MTMR7: variants seen among roughly 807,000 people sequenced by gnomAD.
MTMR7 encodes phosphatidylinositol-3-phosphate phosphatase MTMR7.
MTMR7 carries 76 observed loss-of-function variants against 81.2 expected under a neutral mutation model. The observed-to-expected ratio is 0.94, with a 90% CI of 0.78 to 1.13. The LOEUF (loss-of-function observed/expected upper bound fraction) is 1.13, where lower values mean the gene tolerates loss of function less well. Ranked by LOEUF, MTMR7 falls within the 50% of genes most tolerant of loss-of-function variation. The pLI is 0.00. For missense variants in MTMR7, 1,044 were observed against 820.0 expected (o/e 1.27, Z -3.34); for synonymous variants, 372 against 289.8 (o/e 1.28, Z -2.88).
intron 1 of MTMR7, among the ~76,000 whole-genome samples, chr8:17,393,592 G>T (rs781380152): frequency 2.0e-5 from 3 of 152,122 alleles, no homozygotes; most frequent in Non-Finnish European, 4.4e-5. Context: ...GCAAACAAAT[G>T]CAGGAACAGA....
At chr8:17,305,145 T>C (rs1267303768) in intron 11 of MTMR7, among the ~76,000 whole-genome samples, 2 of 151,908 alleles carry the variant, frequency 1.3e-5, no homozygotes, top group Non-Finnish European at 2.9e-5. Context: ...ATTAATTTTC[T>C]TTATGAGTCC....
intron 4 of MTMR7, among the ~76,000 whole-genome samples, chr8:17,352,641 C>T (rs1819761096): frequency 6.6e-6 from 1 of 152,044 alleles, no homozygotes; most frequent in Admixed American, 6.6e-5. Context: ...CATCAAAGGA[C>T]ACAATCAAAA....
chr8:17,367,407 A>C (rs17631466), intron 3 of MTMR7, among the ~76,000 whole-genome samples: 2,007 of 152,262 alleles, frequency 0.013, 42 homozygotes, highest in East Asian at 0.075. Context: ...GCCTCTGAGA[A>C]ACGGGTCTTT....
rs887331102 is a variant in MTMR7, at chr8:17,342,026, G to C, written c.598-529C>G. 3.3e-5 allele frequency among the ~76,000 whole-genome samples: 5 copies of C among 151,920 alleles called. No individual in the cohort carries two copies. In the South Asian group the frequency reaches 8.3e-4, roughly 25 times the overall value. On this transcript the variant is annotated intron_variant, in intron 5 of 13. Transcript: ENST00000180173. ...GTGACAAGAGCCCAGGTTGCTGCTAGGTTTGAAACCGAAGGACAGCAGGCA... is the reference window on the plus strand; with the variant it reads ...GTGACAAGAGCCCAGGTTGCTGCTACGTTTGAAACCGAAGGACAGCAGGCA...
chr8:17,355,409 T>A (rs1819861609), intron 4 of MTMR7, among the ~76,000 whole-genome samples: 1 of 152,118 alleles, frequency 6.6e-6, no homozygotes, highest in Admixed American at 6.6e-5. Context: ...CTAGCCCAAA[T>A]AATCCATAAA....
At chr8:17,381,777 G>A (rs961393736) in intron 1 of MTMR7, among the ~76,000 whole-genome samples, 1 of 152,188 alleles carries the variant, frequency 6.6e-6, no homozygotes, top group African/African-American at 2.4e-5. Context: ...TCTAATCTAA[G>A]AAAAGCAGCT....
At chr8:17,359,727 GA>G (rs1820004419) in intron 4 of MTMR7, among the ~76,000 whole-genome samples, 1 of 151,752 alleles carries the variant, frequency 6.6e-6, no homozygotes, top group African/African-American at 2.4e-5. Flanking sequence ...TACAACTCAA[GA>G]AATCAAGATA....
intron 7 of MTMR7, among the ~76,000 whole-genome samples, chr8:17,328,286 A>G (rs2106018): frequency 0.61 from 93,140 of 151,916 alleles, 30,151 homozygotes; most frequent in African/African-American, 0.82. Context: ...GTAACTCCAT[A>G]CACCTTTCCA....
intron 4 of MTMR7, among the ~76,000 whole-genome samples, chr8:17,354,555 C>A (rs1819828255): frequency 6.6e-6 from 1 of 152,104 alleles, no homozygotes; most frequent in Admixed American, 6.5e-5. Flanking sequence ...CTGCCCAAGG[C>A]CAAAGAAAAT....
In MTMR7 at chr8:17,296,966, C is replaced by T. The variant is rs1443337245; in HGVS notation, c.*2896G>A. ...ACATAAAGGTTATGTATGTCACCCA[C>T]GATGAAAAGAATCTGCATTTGAATA... On this transcript the variant is annotated 3_prime_UTR_variant, in exon 14 of 14. Transcript: ENST00000180173. The T allele has an allele frequency of 3.3e-5, 5 of 152,204 alleles. No individual in the cohort carries two copies. In the South Asian group the frequency reaches 8.3e-4, roughly 25 times the overall value. The allele number at this position is 152,204 out of a possible 1,614,324, so 9.4% of individuals were successfully genotyped here. A position where few individuals can be genotyped will look rare whatever the true frequency, so the allele number is the denominator to read the frequency against.
At chr8:17,368,052 G>T (rs1317518621) in intron 3 of MTMR7, among the ~76,000 whole-genome samples, 1 of 152,084 alleles carries the variant, frequency 6.6e-6, no homozygotes, top group Non-Finnish European at 1.5e-5. Flanking sequence ...CCAGGGACCA[G>T]CTTTGTGGAA....
chr8:17,364,845 G>T (rs7832149), intron 3 of MTMR7, among the ~76,000 whole-genome samples: 51,003 of 152,002 alleles, frequency 0.34, 10,666 homozygotes, highest in East Asian at 0.7. Flanking sequence ...ATTCCACAAC[G>T]TGGCTACTGT....
At chr8:17,389,434 T>C (rs1821039839) in intron 1 of MTMR7, among the ~76,000 whole-genome samples, 2 of 152,182 alleles carry the variant, frequency 1.3e-5, no homozygotes. Context: ...AGACACACGG[T>C]CCTTGGCTTA....
intron 1 of MTMR7, among the ~76,000 whole-genome samples, chr8:17,375,038 G>A (rs773386003): frequency 4.7e-5 from 7 of 150,454 alleles, no homozygotes; most frequent in African/African-American, 1.2e-4. Flanking sequence ...GCAGTGAGCC[G>A]AGATCGCACC....
chr8:17,318,789 G>A (rs1487687208), intron 7 of MTMR7, among the ~76,000 whole-genome samples: 1 of 152,088 alleles, frequency 6.6e-6, no homozygotes, highest in Admixed American at 6.6e-5. Flanking sequence ...CCAGTTCTGT[G>A]CCCCCCAGGG....
At position 17,305,774 on chromosome 8, in the gene MTMR7, C is replaced by G. The variant is rs1307647631; in HGVS notation, c.1335G>C (p.Lys445Asn). The change falls in exon 11 of 14, where the codon AAG (lysine) becomes AAC (asparagine). Residue 445 changes from lysine to asparagine, a missense_variant. Transcript: ENST00000180173. ...ACACTTACTTGAGTTCTCGTCTCTC[C>G]TTTTGGCTGTTACATAGGAAGTTTC... Reference protein sequence around the residue: ...QFGNFLCNSQKERRELKIQER... With the variant: ...QFGNFLCNSQNERRELKIQER... The G allele has an allele frequency of 1.6e-5, 26 of 1,612,046 alleles. No individual in the cohort carries two copies. The highest frequency in any genetic ancestry group is 1.9e-5 in the Non-Finnish European group (22 of 1,178,440).
At chr8:17,361,381 A>C (rs1820055835) in intron 3 of MTMR7, 107 bp from the exon 4 acceptor site, 5 of 1,160,330 alleles carry the variant, frequency 4.3e-6, no homozygotes, top group Non-Finnish European at 5.0e-6. Context: ...GGCCATCCCA[A>C]CCCCCACCCC....
At chr8:17,348,829 T>C in intron 5 of MTMR7, 124 bp downstream of exon 5, 2 of 1,159,694 alleles carry the variant, frequency 1.7e-6, no homozygotes, top group Admixed American at 3.7e-5. Context: ...TGCACAGGAA[T>C]ATCCACATAC....
intron 10 of MTMR7, among the ~76,000 whole-genome samples, chr8:17,307,229 A>G (rs1332093905): frequency 6.6e-6 from 1 of 152,248 alleles, no homozygotes; most frequent in Admixed American, 6.5e-5. Flanking sequence ...GGCAAAGGAT[A>G]TGAAAAGACA....
Sources: allele counts gnomAD v4.1 joint callset (sites outside exome capture counted in the v4.1 genomes callset), GRCh38; gene constraint gnomAD v4.1.1; transcripts MANE v1.5; gene names NCBI Gene and HGNC (gene_info 2026-07-23, HGNC 2026-07-21).